The following CCDC170 variants were observed in gnomAD, a reference collection of about 807,000 sequenced individuals.
CCDC170 encodes coiled-coil domain-containing protein 170.
In CCDC170, 69 loss-of-function variants were observed where a neutral mutation model predicts 72.6. The observed-to-expected ratio is 0.95, with a 90% CI of 0.78 to 1.16. CCDC170 has a LOEUF of 1.16. CCDC170 is among the 50% of genes most tolerant of loss of function. The probability of loss-of-function intolerance (pLI) is 0.00; values close to 1 mark genes in which losing one functional copy is unlikely to be tolerated. For synonymous variants in CCDC170, 300 were observed against 303.9 expected, an observed-to-expected ratio of 0.99 and a Z score of 0.13; for missense variants, 852 against 832.5, an observed-to-expected ratio of 1.02 and a Z score of -0.29.
intron 9 of CCDC170, among the ~76,000 whole-genome samples, 173 bp from the exon 10 acceptor site, chr6:151,615,270 C>A (rs918025238): frequency 6.6e-6 from 1 of 152,190 alleles, no homozygotes; most frequent in African/African-American, 2.4e-5. Context: ...TGTCTTAAGA[C>A]ATGTTTGTCC....
intron 5 of CCDC170, among the ~76,000 whole-genome samples, chr6:151,572,649 G>GGTTTTTTTTTTTTTTTTTTTTTT (rs1776234680): frequency 2.6e-5 from 1 of 37,988 alleles, no homozygotes; most frequent in African/African-American, 1.2e-4. Flanking sequence ...CCTTCTCTGT[G>GGTTTTTTTTTTTTTTTTTTTTTT]TTTTTTTTTT....
intron 1 of CCDC170, among the ~76,000 whole-genome samples, chr6:151,511,718 G>A (rs1782153403): frequency 6.6e-6 from 1 of 152,154 alleles, no homozygotes; most frequent in Non-Finnish European, 1.5e-5. Flanking sequence ...ATTCTAGTAG[G>A]TAGACATAAA....
chr6:151,548,211 C>T, intron 4 of CCDC170, 93 bp from the exon 5 acceptor site: 1 of 1,101,774 alleles, frequency 9.1e-7, no homozygotes, highest in Non-Finnish European at 1.2e-6. Context: ...TTACATTTTT[C>T]ATATGATAAT....
At chr6:151,587,734 G>A (rs543739281) in intron 7 of CCDC170, among the ~76,000 whole-genome samples, 85 of 152,240 alleles carry the variant, frequency 5.6e-4, no homozygotes, top group African/African-American at 1.3e-3. Flanking sequence ...CAATTAGTGC[G>A]CTTAGTGCAA....
chr6:151,516,938 C>A (rs918034039), intron 1 of CCDC170, among the ~76,000 whole-genome samples: 2 of 152,200 alleles, frequency 1.3e-5, no homozygotes, highest in African/African-American at 4.8e-5. Flanking sequence ...TCCCAGGAAG[C>A]CTTTTCCTTT....
At chr6:151,606,340 AATTTTTTGG>A (rs760246815) in intron 9 of CCDC170, among the ~76,000 whole-genome samples, 6 of 152,102 alleles carry the variant, frequency 3.9e-5, no homozygotes, top group Non-Finnish European at 5.9e-5. Context: ...TTGTTTCAAG[AATTTTTTGG>A]ATTTTCTTCT....
intron 3 of CCDC170, among the ~76,000 whole-genome samples, chr6:151,543,309 T>TC (rs1782720003): frequency 2.0e-5 from 3 of 152,342 alleles, no homozygotes; most frequent in Admixed American, 1.3e-4. Flanking sequence ...GCTCTTTTTT[T>TC]CCTTTTATTT....
At chr6:151,548,776 G>A (rs1782823175) in intron 5 of CCDC170, among the ~76,000 whole-genome samples, 1 of 152,044 alleles carries the variant, frequency 6.6e-6, no homozygotes, top group South Asian at 2.1e-4. Context: ...CTGGAGTGCA[G>A]TGGCACGATC....
intron 6 of CCDC170, among the ~76,000 whole-genome samples, chr6:151,573,725 AAGAG>A (rs1441317891): frequency 6.6e-6 from 1 of 152,146 alleles, no homozygotes; most frequent in Non-Finnish European, 1.5e-5. Context: ...GGTGGCAGGC[AAGAG>A]AGAGAGTGTG....
At chr6:151,494,253 G>C in intron 1 of CCDC170, 68 bp downstream of exon 1, 1 of 1,407,378 alleles carries the variant, frequency 7.1e-7, no homozygotes, top group Non-Finnish European at 9.3e-7. Flanking sequence ...AGGGGCCGAG[G>C]CGCCCCTGAT....
chr6:151,577,372 G>A (rs551401239), intron 6 of CCDC170, among the ~76,000 whole-genome samples: 1 of 152,068 alleles, frequency 6.6e-6, no homozygotes, highest in African/African-American at 2.4e-5. Context: ...AGGTTCCCAC[G>A]AATTCTAAAT....
chr6:151,495,520 A>G (rs949025002), intron 1 of CCDC170, among the ~76,000 whole-genome samples: 1 of 150,776 alleles, frequency 6.6e-6, no homozygotes, highest in Non-Finnish European at 1.5e-5. Flanking sequence ...TTTTTCAGAC[A>G]GGGTCTCACC....
In CCDC170 at chr6:151,548,301, C is replaced by T; in HGVS notation, c.589-3C>T. 2 of 1,543,852 alleles carry T rather than the reference C, an allele frequency of 1.3e-6. No homozygotes were observed. Among genetic ancestry groups the T allele is most frequent in the African/African-American group, 1.4e-5 (1 of 72,654 alleles). On this transcript the variant is annotated splice_polypyrimidine_tract_variant and splice_region_variant and intron_variant, in intron 4 of 10. Transcript: ENST00000239374. The stretch of plus-strand genomic sequence containing the variant: ...AGGACAGCTGTAATTGCTTTCTCTT[C>T]AGCTTAGAGACCTGCGCAAAGAAAA...
rs936136387 is a variant in CCDC170, at chr6:151,619,707, C to G, written c.*1560C>G. ...TGTTGGCATATGCCTGTAATCCCAGCTACTCGAGAGGCTGAGACACGAAAA... is the reference window on the plus strand; with the variant it reads ...TGTTGGCATATGCCTGTAATCCCAGGTACTCGAGAGGCTGAGACACGAAAA... On this transcript the variant is annotated 3_prime_UTR_variant, in exon 11 of 11. Coordinates refer to ENST00000239374, the MANE Select transcript of CCDC170 (RefSeq NM_025059.4). 2.0e-5 allele frequency: 3 copies of G among 152,118 alleles called. No homozygotes were observed. The highest frequency in any genetic ancestry group is 7.2e-5 in the African/African-American group (3 of 41,392). 9.4% of individuals were successfully genotyped at this position (152,118 alleles called of 1,614,324 possible).
At chr6:151,500,268 A>G (rs1294392330) in intron 1 of CCDC170, among the ~76,000 whole-genome samples, 1 of 149,690 alleles carries the variant, frequency 6.7e-6, no homozygotes, top group Non-Finnish European at 1.5e-5. Context: ...TTAAGAAGAG[A>G]TCTGACTCTA....
At chr6:151,563,994 A>G (rs61424810) in intron 5 of CCDC170, among the ~76,000 whole-genome samples, 7,848 of 152,204 alleles carry the variant, frequency 0.052, 299 homozygotes, top group East Asian at 0.21. Context: ...CTTCTTTCTG[A>G]GGAGAACTGG....
At position 151,618,323 on chromosome 6, in the gene CCDC170, C is replaced by T; in HGVS notation, c.*176C>T. On this transcript the variant is annotated 3_prime_UTR_variant, in exon 11 of 11. Coordinates refer to ENST00000239374, the MANE Select transcript of CCDC170 (RefSeq NM_025059.4). ...AAAGTGTCAGCCTTAGATAAACGTTCAGCATTAAAAACGCCTATTATTTCA... is the reference window on the plus strand; with the variant it reads ...AAAGTGTCAGCCTTAGATAAACGTTTAGCATTAAAAACGCCTATTATTTCA... The T allele has an allele frequency of 1.7e-6, 1 of 586,664 alleles. No homozygotes were observed. 36.3% of individuals were successfully genotyped at this position (586,664 alleles called of 1,614,324 possible).
At chr6:151,576,951 G>A (rs1479105789) in intron 6 of CCDC170, among the ~76,000 whole-genome samples, 1 of 152,024 alleles carries the variant, frequency 6.6e-6, no homozygotes, top group Non-Finnish European at 1.5e-5. Flanking sequence ...CTTCCCGAAC[G>A]TTGCTTGTCT....
chr6:151,560,846 G>T (rs1783065897), intron 5 of CCDC170, among the ~76,000 whole-genome samples: 1 of 152,044 alleles, frequency 6.6e-6, no homozygotes, highest in African/African-American at 2.4e-5. Flanking sequence ...AAGCCTGTGT[G>T]TGTTATTACA....
Sources: gnomAD v4.1 joint callset for allele counts (sites outside exome capture counted in the v4.1 genomes callset) on GRCh38, gnomAD v4.1.1 for gene constraint, MANE v1.5 for transcripts, NCBI Gene and HGNC (gene_info 2026-07-23, HGNC 2026-07-21) for gene names.